Variants in NFE2L2 observed in about 807,000 individuals in gnomAD.
NFE2L2 encodes nuclear factor erythroid 2-related factor 2.
A neutral mutation model predicts 49.6 loss-of-function variants in NFE2L2; 20 were observed. The ratio of observed to expected loss-of-function variants is 0.40; its 90% CI spans 0.28 to 0.59. NFE2L2 has a LOEUF of 0.59. Ranked by LOEUF, NFE2L2 falls within the 20% of genes least tolerant of loss-of-function variation. The pLI is 0.40. For synonymous variants in NFE2L2, 244 were observed against 256.5 expected (o/e 0.95, Z 0.47); for missense variants, 578 against 714.2 (o/e 0.81, Z 2.17).
intron 1 of NFE2L2, among the ~76,000 whole-genome samples, chr2:177,263,049 C>T (rs141904435): frequency 2.6e-5 from 4 of 152,316 alleles, no homozygotes; most frequent in African/African-American, 4.8e-5. Context: ...ACAGCATAAA[C>T]GTATTTACTG....
At chr2:177,263,544 G>A in intron 1 of NFE2L2, 1 of 985,512 alleles carries the variant, frequency 1.0e-6, no homozygotes, top group African/African-American at 1.7e-5. Context: ...CCTTGGCCCT[G>A]GCGCGGCGAG....
chr2:177,263,611 G>A (rs1448126158), intron 1 of NFE2L2: 4 of 985,378 alleles, frequency 4.1e-6, no homozygotes, highest in Non-Finnish European at 4.8e-6. Flanking sequence ...ACGGCCAACC[G>A]AGCGCTGTCA....
intron 1 of NFE2L2, 63 bp downstream of exon 1, chr2:177,264,469 G>A (rs1446006713): frequency 1.3e-6 from 2 of 1,489,924 alleles, no homozygotes; most frequent in East Asian, 2.7e-5. Context: ...CCGGGCCGCG[G>A]TTCCCTAGCT....
rs779740487 is a variant in NFE2L2 at position 177,231,305 on chromosome 2, C to T, written c.1298G>A (p.Ser433Asn). 8 of 1,614,264 alleles carry T rather than the reference C, an allele frequency of 5.0e-6. No homozygotes were observed. In the South Asian group the frequency reaches 7.7e-5, roughly 16 times the overall value. ...ENTPEKELPVSPGHRKTPFTK... is the reference protein window; with the variant it reads ...ENTPEKELPVNPGHRKTPFTK... ...GAATGGGGTTTTCCGATGACCAGGA[C>T]TTACAGGCAATTCTTTCTCTGGTGT... Residue 433 changes from serine to asparagine, a missense_variant, in exon 5 of 5, where the codon AGT becomes AAT. This residue lies in a region of NFE2L2 where 368 missense variants were observed against 384.6 expected (regional missense o/e 0.96). Coordinates refer to ENST00000397062, the MANE Select transcript of NFE2L2 (RefSeq NM_006164.5).
chr2:177,263,166 G>C (rs1444233972), intron 1 of NFE2L2, among the ~76,000 whole-genome samples: 1 of 152,194 alleles, frequency 6.6e-6, no homozygotes, highest in Non-Finnish European at 1.5e-5. Flanking sequence ...CAAAGGATGA[G>C]CAGAAACTTC....
intron 1 of NFE2L2, among the ~76,000 whole-genome samples, chr2:177,257,394 C>A (rs1006209460): frequency 6.6e-6 from 1 of 152,138 alleles, no homozygotes; most frequent in Admixed American, 6.5e-5. Flanking sequence ...CCTTTCATAA[C>A]AAAGTTACCC....
intron 1 of NFE2L2, among the ~76,000 whole-genome samples, chr2:177,249,719 T>A (rs1036375040): frequency 1.3e-4 from 20 of 152,270 alleles, no homozygotes; most frequent in African/African-American, 4.6e-4. Flanking sequence ...ATTAACGAGG[T>A]GACAAAACAC....
chr2:177,233,782 T>G (rs896697303), intron 2 of NFE2L2: 4 of 616,122 alleles, frequency 6.5e-6, no homozygotes, highest in Non-Finnish European at 1.1e-5. Context: ...TTGGTGTAAC[T>G]TAAGTCTTCC....
At chr2:177,263,519 C>T (rs946888285) in intron 1 of NFE2L2, 27 of 985,412 alleles carry the variant, frequency 2.7e-5, no homozygotes, top group African/African-American at 3.5e-5. Flanking sequence ...AACAGATCAA[C>T]AGCTCCAACC....
At chr2:177,263,699 C>T (rs751973942) in intron 1 of NFE2L2, 32 of 985,402 alleles carry the variant, frequency 3.2e-5, no homozygotes, top group Non-Finnish European at 3.5e-5. Flanking sequence ...GTGCCGCCGA[C>T]TCCGGCCTCA....
chr2:177,232,275 A>G (rs889288153), intron 4 of NFE2L2, 117 bp downstream of exon 4: 2 of 1,076,336 alleles, frequency 1.9e-6, no homozygotes, highest in Admixed American at 2.8e-5. Context: ...AGTACTCATG[A>G]CTAAGTTAAT....
rs767811050 is a variant in NFE2L2 at position 177,233,997 on chromosome 2, C to T, written c.312+8G>A. 2 of 1,614,140 alleles carry T rather than the reference C, an allele frequency of 1.2e-6. No homozygotes were observed. The highest frequency in any genetic ancestry group is 1.7e-6 in the Non-Finnish European group (2 of 1,180,030). On this transcript the variant is annotated splice_region_variant and intron_variant, in intron 2 of 4. Transcript: ENST00000397062. Reference sequence around the variant, plus strand: ...CCATAACTTTCCCAAGAACTGAGTACTCTGTACCTGGGAGTAGTTGGCAGA... The same window carrying T: ...CCATAACTTTCCCAAGAACTGAGTATTCTGTACCTGGGAGTAGTTGGCAGA...
intron 1 of NFE2L2, among the ~76,000 whole-genome samples, chr2:177,251,284 AC>A (rs1440902439): frequency 6.6e-6 from 1 of 152,188 alleles, no homozygotes; most frequent in Non-Finnish European, 1.5e-5. Flanking sequence ...GGACAAAGCC[AC>A]CCAGGCCAGC....
intron 2 of NFE2L2, 163 bp from the exon 3 acceptor site, chr2:177,233,502 AT>A: frequency 1.6e-6 from 1 of 620,948 alleles, no homozygotes; most frequent in South Asian, 2.1e-5. Flanking sequence ...ACTAGACCAC[AT>A]GGGTTCAGAT....
chr2:177,232,360 A>T (rs1395755460), intron 4 of NFE2L2, 32 bp downstream of exon 4: 15 of 1,572,906 alleles, frequency 9.5e-6, no homozygotes, highest in Non-Finnish European at 3.5e-6. Context: ...AATATAAAAA[A>T]AATCTCCAGT....
chr2:177,233,381 A>C, intron 2 of NFE2L2, 42 bp from the exon 3 acceptor site: 1 of 1,432,712 alleles, frequency 7.0e-7, no homozygotes, highest in Non-Finnish European at 9.7e-7. Context: ...AAAATGGTTA[A>C]ATATTCCATT....
At chr2:177,239,381 GTTTATA>G (rs1689866182) in intron 1 of NFE2L2, among the ~76,000 whole-genome samples, 1 of 152,126 alleles carries the variant, frequency 6.6e-6, no homozygotes, top group African/African-American at 2.4e-5. Context: ...GTATTTTTAA[GTTTATA>G]TTTATGTGGC....
chr2:177,246,144 T>A lies in NFE2L2; in HGVS notation c.46-11873A>T, dbSNP rs907305695. On this transcript the variant is annotated intron_variant, in intron 1 of 4. Coordinates refer to ENST00000397062, the MANE Select transcript of NFE2L2 (RefSeq NM_006164.5). ...GAAACTAAGAGTTAAAGGTCTGCCC[T>A]CTGGACACTCAGACTTGCCTGCCCC... Among the ~76,000 whole-genome samples, 4 of 152,250 alleles carry A rather than the reference T, an allele frequency of 2.6e-5. No individual in the cohort carries two copies. In the East Asian group the frequency reaches 7.7e-4, roughly 29 times the overall value.
intron 1 of NFE2L2, among the ~76,000 whole-genome samples, chr2:177,261,170 CAAA>C (rs59040355): frequency 8.3e-6 from 1 of 120,142 alleles, no homozygotes; most frequent in Non-Finnish European, 1.7e-5. Context: ...GACTTCATCT[CAAA>C]AAAAAAAAAA....
Sources: gnomAD v4.1 joint callset for allele counts (sites outside exome capture counted in the v4.1 genomes callset) on GRCh38, gnomAD v4.1.1 for gene constraint, gnomAD v4.1.1 regional missense constraint, MANE v1.5 for transcripts, NCBI Gene and HGNC (gene_info 2026-07-23, HGNC 2026-07-21) for gene names.